Variants in BTLA observed in about 807,000 individuals in gnomAD.
BTLA encodes the protein B and T lymphocyte associated.
BTLA carries 11 observed loss-of-function variants against 25.0 expected under a neutral mutation model. The ratio of observed to expected loss-of-function variants is 0.44; its 90% CI spans 0.28 to 0.73. The LOEUF is 0.73. Ranked by LOEUF, BTLA falls within the 30% of genes least tolerant of loss-of-function variation. The probability of loss-of-function intolerance (pLI) is 0.15; values close to 1 mark genes in which losing one functional copy is unlikely to be tolerated. For missense variants in BTLA, 282 were observed against 332.8 expected (o/e 0.85, Z 1.19); for synonymous variants, 104 against 119.8 (o/e 0.87, Z 0.86).
intron 2 of BTLA, among the ~76,000 whole-genome samples, chr3:112,474,680 C>G (rs1415671386): frequency 6.6e-6 from 1 of 152,092 alleles, no homozygotes; most frequent in African/African-American, 2.4e-5. Context: ...CTCAGGTGAT[C>G]ATGAAAAGCT....
Position 112,479,756 on chromosome 3 carries a change from A to C in BTLA, c.102T>G (p.Cys34Trp). The C allele has an allele frequency of 6.3e-7, 1 of 1,589,852 alleles. No individual in the cohort carries two copies. The highest frequency in any genetic ancestry group is 8.6e-7 in the Non-Finnish European group (1 of 1,167,950). The change falls in exon 2 of 5, where the codon TGT becomes TGG. Residue 34 changes from cysteine (C) to tryptophan (W), a missense_variant. Physicochemically the swap from Cys to Trp is radical, Grantham distance 215. Transcript: ENST00000334529. Reference sequence around the variant, plus strand: ...GTCTCTTTATATAAAGCTGTACATCACATGATTCTTTCCCTAAAAGATAAA... The same window carrying C: ...GTCTCTTTATATAAAGCTGTACATCCCATGATTCTTTCCCTAAAAGATAAA... ...DIWNIHGKES[C>W]DVQLYIKRQS... is the part of the protein sequence containing the mutation.
intron 1 of BTLA, among the ~76,000 whole-genome samples, chr3:112,482,559 T>G (rs1225788867): frequency 6.6e-6 from 1 of 152,208 alleles, no homozygotes; most frequent in African/African-American, 2.4e-5. Flanking sequence ...TTAAAAACCC[T>G]TCCTGCTCAC....
rs77922778 is a variant in BTLA, at chr3:112,487,044, A to G, written c.89-7275T>C. Among the ~76,000 whole-genome samples, 236 of 152,366 alleles carry G rather than the reference A, an allele frequency of 1.5e-3. 5 individuals carry two copies. The East Asian group carries it at 0.035, about 22-fold the overall frequency. On this transcript the variant is annotated intron_variant, in intron 1 of 4. Coordinates refer to ENST00000334529, the MANE Select transcript of BTLA (RefSeq NM_181780.4). The stretch of plus-strand genomic sequence containing the variant: ...ACTTTATAAATTTGCTATCAAAATG[A>G]ACACAAGTAGCTGAATGGTATATGT...
At chr3:112,487,221 C>A (rs2082353289) in intron 1 of BTLA, among the ~76,000 whole-genome samples, 1 of 152,124 alleles carries the variant, frequency 6.6e-6, no homozygotes, top group Non-Finnish European at 1.5e-5. Context: ...AGAACTTAGA[C>A]CAAAAATATT....
chr3:112,465,204 C>A lies in BTLA; in HGVS notation c.*904G>T, dbSNP rs2082218792. On this transcript the variant is annotated 3_prime_UTR_variant, in exon 5 of 5. Coordinates refer to ENST00000334529, the MANE Select transcript of BTLA (RefSeq NM_181780.4). Reference sequence around the variant, plus strand: ...GACCCCTACAGACCAATTAAATATTCTGGGTTTTCCTCCATTCCATTAATT... The same window carrying A: ...GACCCCTACAGACCAATTAAATATTATGGGTTTTCCTCCATTCCATTAATT... 6.6e-6 allele frequency: 1 copy of A among 152,602 alleles called. No homozygotes were observed. The highest frequency in any genetic ancestry group is 2.1e-4 in the South Asian group (1 of 4,828). 9.5% of individuals were successfully genotyped at this position (152,602 alleles called of 1,614,324 possible).
At chr3:112,467,206 C>T (rs2082234107) in intron 4 of BTLA, among the ~76,000 whole-genome samples, 4 of 152,130 alleles carry the variant, frequency 2.6e-5, no homozygotes, top group Admixed American at 2.6e-4. Context: ...GTGATCCGCC[C>T]GCCTCGGCCT....
At chr3:112,498,250 T>C (rs1309769934) in intron 1 of BTLA, among the ~76,000 whole-genome samples, 1 of 151,302 alleles carries the variant, frequency 6.6e-6, no homozygotes, top group Non-Finnish European at 1.5e-5. Flanking sequence ...CTACTAAAAA[T>C]ACAAAAATTA....
At chr3:112,473,168 G>A (rs1293622316) in intron 2 of BTLA, among the ~76,000 whole-genome samples, 1 of 151,648 alleles carries the variant, frequency 6.6e-6, no homozygotes, top group Admixed American at 6.6e-5. Flanking sequence ...GTAAATAACT[G>A]AAATTGATTG....
chr3:112,497,718 G>C (rs1454085534), intron 1 of BTLA, among the ~76,000 whole-genome samples: 1 of 151,872 alleles, frequency 6.6e-6, no homozygotes, highest in Non-Finnish European at 1.5e-5. Flanking sequence ...TTTTTACTTT[G>C]CACTTGGTTG....
At chr3:112,476,834 G>A (rs919938017) in intron 2 of BTLA, among the ~76,000 whole-genome samples, 2 of 152,122 alleles carry the variant, frequency 1.3e-5, no homozygotes, top group African/African-American at 4.8e-5. Flanking sequence ...CTATTTAGTA[G>A]TCATGTCACA....
intron 1 of BTLA, among the ~76,000 whole-genome samples, chr3:112,495,618 T>C (rs1192664481): frequency 6.6e-6 from 1 of 152,236 alleles, no homozygotes; most frequent in African/African-American, 2.4e-5. Flanking sequence ...ATTTAATATA[T>C]GGCAGGCATT....
In BTLA at chr3:112,499,209, G is replaced by A. The variant is rs186820957; in HGVS notation, c.88+62C>T. ...ACACCGTACTAAGTTCAGCAAGGGA[G>A]AATGTTGCCTCCAAGACCCCCTGAG... On this transcript the variant is annotated intron_variant, in intron 1 of 4. Transcript: ENST00000334529. 1.7e-4 allele frequency: 206 copies of A among 1,180,360 alleles called. 1 individual carries two copies. The African/African-American group carries it at 2.8e-3, about 16-fold the overall frequency. 73.1% of individuals were successfully genotyped at this position (1,180,360 alleles called of 1,614,324 possible).
In BTLA at chr3:112,471,234, G is replaced by A; in HGVS notation, c.525C>T (p.Phe175=). The A allele has an allele frequency of 1.2e-6, 2 of 1,614,046 alleles. No individual in the cohort carries two copies. Among genetic ancestry groups the A allele is most frequent in the Non-Finnish European group, 1.7e-6 (2 of 1,179,956 alleles). The change falls in exon 3 of 5, where the codon TTC becomes TTT. Residue 175 remains phenylalanine, a synonymous_variant. Transcript: ENST00000334529. ...PLLITTCFCL[F]CCLRRHQGKQ... is the part of the protein sequence containing the mutation. Reference sequence around the variant, plus strand: ...CACCTTGGTGCCTTCTCAGGCAGCAGAACAGGCAGAAACAGGTAGTGATGA... The same window carrying A: ...CACCTTGGTGCCTTCTCAGGCAGCAAAACAGGCAGAAACAGGTAGTGATGA...
chr3:112,471,460 C>T (rs909589540), intron 2 of BTLA, 105 bp from the exon 3 acceptor site: 35 of 1,229,758 alleles, frequency 2.8e-5, no homozygotes, highest in Non-Finnish European at 3.8e-5. Context: ...GATTTCAGGC[C>T]AATGCCTCCA....
upstream of BTLA, chr3:112,499,486 A>AAG (rs1367013630): frequency 1.7e-5 from 11 of 656,072 alleles, no homozygotes; most frequent in Admixed American, 2.7e-4. Context: ...AAAAAAAAAA[A>AAG]AAGAAGAGAG....
intron 2 of BTLA, among the ~76,000 whole-genome samples, chr3:112,471,748 G>A (rs1442526028): frequency 2.6e-5 from 4 of 152,202 alleles, no homozygotes. Context: ...TAGCTAGTGA[G>A]TGGCAATGGG....
chr3:112,495,404 A>G (rs2082404211), intron 1 of BTLA, among the ~76,000 whole-genome samples: 1 of 152,254 alleles, frequency 6.6e-6, no homozygotes, highest in African/African-American at 2.4e-5. Flanking sequence ...ATTAAGTAGG[A>G]AAGTCCCAAT....
At chr3:112,476,728 C>T (rs1290647092) in intron 2 of BTLA, among the ~76,000 whole-genome samples, 2 of 152,066 alleles carry the variant, frequency 1.3e-5, no homozygotes, top group Admixed American at 1.3e-4. Flanking sequence ...TTAAAATGTA[C>T]AATTAAATGG....
chr3:112,498,935 C>A (rs927306587), intron 1 of BTLA, among the ~76,000 whole-genome samples: 2 of 152,196 alleles, frequency 1.3e-5, no homozygotes, highest in Non-Finnish European at 2.9e-5. Flanking sequence ...TATTCATTAT[C>A]AGTATGGCAG....
Sources: allele counts gnomAD v4.1 joint callset (sites outside exome capture counted in the v4.1 genomes callset), GRCh38; gene constraint gnomAD v4.1.1; transcripts MANE v1.5; gene names NCBI Gene and HGNC (gene_info 2026-07-23, HGNC 2026-07-21).